PABPC4: variants seen among roughly 807,000 people sequenced by gnomAD.
PABPC4 encodes poly(A) binding protein cytoplasmic 4, also known as polyadenylate-binding protein 4.
In PABPC4, 15 loss-of-function variants were observed where a neutral mutation model predicts 74.5. That is an observed-to-expected ratio of 0.20 (90% CI 0.13 to 0.31). The LOEUF is 0.31. Among genes scored for constraint, PABPC4 ranks in the 10% least tolerant of loss-of-function variants. The pLI is 1.00. For missense variants in PABPC4, 610 were observed against 853.5 expected (o/e 0.71, Z 3.55); for synonymous variants, 345 against 303.0 (o/e 1.14, Z -1.44).
At chr1:39,571,429 A>G in intron 2 of PABPC4, 80 bp from the exon 3 acceptor site, 2 of 1,561,438 alleles carry the variant, frequency 1.3e-6, no homozygotes, top group African/African-American at 1.3e-5. Flanking sequence ...CTTGTGCCTG[A>G]GGAGACTCTA....
intron 1 of PABPC4, among the ~76,000 whole-genome samples, chr1:39,573,972 C>G (rs1027737831): frequency 1.3e-5 from 2 of 152,212 alleles, no homozygotes; most frequent in African/African-American, 4.8e-5. Flanking sequence ...TGACATCACC[C>G]AGAACCTCCT....
At chr1:39,562,579 G>A (rs1316172626) in intron 12 of PABPC4, 163 bp from the exon 13 acceptor site, 1 of 588,702 alleles carries the variant, frequency 1.7e-6, no homozygotes, top group Non-Finnish European at 3.0e-6. Flanking sequence ...GGATTGAGGG[G>A]TGTGTTGAGG....
At position 39,572,564 on chromosome 1, in the gene PABPC4, C is replaced by T. The variant is rs1368225828; in HGVS notation, c.216G>A (p.Met72Ile). ...GCTTTCCCTTAATCACATCAAAGTTCATGGTGTCCAAAGCCCGCTCAGCTG... is the reference window on the plus strand; with the variant it reads ...GCTTTCCCTTAATCACATCAAAGTTTATGGTGTCCAAAGCCCGCTCAGCTG... ...PADAERALDT[M>I]NFDVIKGKPI... is the part of the protein sequence containing the mutation. The change falls in exon 2 of 16, where the codon ATG becomes ATA. Residue 72 changes from methionine (M) to isoleucine (I), a missense_variant. Met to Ile is a conservative substitution (Grantham distance 10). Transcript: ENST00000372858. The T allele has an allele frequency of 6.2e-7, 1 of 1,613,762 alleles. No homozygotes were observed. Among genetic ancestry groups the T allele is most frequent in the African/African-American group, 1.3e-5 (1 of 74,892 alleles).
In PABPC4 at chr1:39,576,485, A is replaced by G. The variant is rs1327920374; in HGVS notation, c.-534T>C. The G allele has an allele frequency of 6.7e-6, 1 of 149,682 alleles. No individual in the cohort carries two copies. Among genetic ancestry groups the G allele is most frequent in the African/African-American group, 2.5e-5 (1 of 40,746 alleles). 9.3% of individuals were successfully genotyped at this position (149,682 alleles called of 1,614,324 possible). On this transcript the variant is annotated 5_prime_UTR_variant, in exon 1 of 16. Transcript: ENST00000372858. ...GCACGGACACGTGGTGCGCCGGGGC[A>G]GGCGCGGGGCGCGGGGCTCGGGGCC...
At chr1:39,569,808 GA>G in intron 4 of PABPC4, 54 bp downstream of exon 4, 1 of 1,600,066 alleles carries the variant, frequency 6.2e-7, no homozygotes. Flanking sequence ...CATCTCTTAA[GA>G]AAAAACAGAT....
intron 12 of PABPC4, 174 bp downstream of exon 12, chr1:39,563,440 G>A (rs1645791769): frequency 1.2e-6 from 1 of 803,616 alleles, no homozygotes. Context: ...GCACTTTTAA[G>A]CCCCTTCTTT....
chr1:39,575,739 T>G lies in PABPC4; in HGVS notation c.193+20A>C, dbSNP rs777883674. 2 of 1,549,740 alleles carry G rather than the reference T, an allele frequency of 1.3e-6. No homozygotes were observed. Among genetic ancestry groups the G allele is most frequent in the South Asian group, 1.2e-5 (1 of 85,182 alleles). ...GGTCCTCCGGGCTCCCACGCACGTG[T>G]GGGCACAGCTTCTACTCACCGTCGG... On this transcript the variant is annotated intron_variant, in intron 1 of 15. Coordinates refer to ENST00000372858, the MANE Select transcript of PABPC4 (RefSeq NM_001135653.2).
At chr1:39,574,003 G>A (rs1645979284) in intron 1 of PABPC4, among the ~76,000 whole-genome samples, 2 of 152,162 alleles carry the variant, frequency 1.3e-5, no homozygotes, top group South Asian at 4.1e-4. Context: ...ATTTAGACAG[G>A]GTCAGAGCAG....
chr1:39,562,604 G>A (rs1269471297), intron 12 of PABPC4, 188 bp from the exon 13 acceptor site: 5 of 498,880 alleles, frequency 1.0e-5, no homozygotes, highest in Non-Finnish European at 1.8e-5. Flanking sequence ...GAGTGGTATG[G>A]ACATAAACAC....
chr1:39,567,827 T>G lies in PABPC4; in HGVS notation c.896A>C (p.Lys299Thr). 6.3e-7 allele frequency: 1 copy of G among 1,589,362 alleles called. No homozygotes were observed. The highest frequency in any genetic ancestry group is 8.6e-7 in the Non-Finnish European group (1 of 1,157,728). Reference sequence around the variant, plus strand: ...ATCATCAATAGTGTCATCCAAGTTCTTAATGTAGAGATTCACCCCCTGAAG... The same window carrying G: ...ATCATCAATAGTGTCATCCAAGTTCGTAATGTAGAGATTCACCCCCTGAAG... ...SRYQGVNLYI[K>T]NLDDTIDDEK... Residue 299 changes from lysine to threonine, a missense_variant, in exon 7 of 16, where the codon AAG (lysine) becomes ACG (threonine). Around this residue, in one of 4 missense-constraint regions of PABPC4, gnomAD observed 304 missense variants for 478.9 expected, o/e 0.63. Coordinates refer to ENST00000372858, the MANE Select transcript of PABPC4 (RefSeq NM_001135653.2).
intron 12 of PABPC4, chr1:39,563,376 G>T: frequency 4.0e-6 from 2 of 501,716 alleles, no homozygotes; most frequent in Non-Finnish European, 7.0e-6. Flanking sequence ...AACAGAAGAG[G>T]AAGCACTGGC....
At chr1:39,568,729 C>T (rs1255896391) in intron 6 of PABPC4, 73 bp downstream of exon 6, 7 of 1,426,972 alleles carry the variant, frequency 4.9e-6, no homozygotes, top group South Asian at 1.3e-5. Context: ...AAAGAAAGCC[C>T]GCTAAACATA....
In PABPC4 at chr1:39,575,982, C is replaced by T; in HGVS notation, c.-31G>A. 7.0e-7 allele frequency: 1 copy of T among 1,423,082 alleles called. No homozygotes were observed. Among genetic ancestry groups the T allele is most frequent in the African/African-American group, 1.5e-5 (1 of 68,846 alleles). The allele number at this position is 1,423,082 out of a possible 1,614,324, so 88.2% of individuals were successfully genotyped here. ...CGCCCCCCACCACCCCGAGCCCCGCCAGGAGGACTTCTTATCGGGCCCGCC... is the reference window on the plus strand; with the variant it reads ...CGCCCCCCACCACCCCGAGCCCCGCTAGGAGGACTTCTTATCGGGCCCGCC... On this transcript the variant is annotated 5_prime_UTR_variant, in exon 1 of 16. Coordinates refer to ENST00000372858, the MANE Select transcript of PABPC4 (RefSeq NM_001135653.2).
chr1:39,562,330 C>T lies in PABPC4; in HGVS notation c.1755G>A (p.Gln585=), dbSNP rs1271775255. The change falls in exon 13 of 16, where the codon CAG becomes CAA. Residue 585 remains glutamine (Q), a synonymous_variant. Transcript: ENST00000372858. The part of the protein sequence containing the change: ...LAAAPPQEQK[Q]MLGERLFPLI... Reference sequence around the variant, plus strand: ...AGCAAGTGGGTCACTCACCCAGCATCTGCTTCTGTTCCTGGGGGGGTGCTG... The same window carrying T: ...AGCAAGTGGGTCACTCACCCAGCATTTGCTTCTGTTCCTGGGGGGGTGCTG... 1 of 1,613,846 alleles carries T rather than the reference C, an allele frequency of 6.2e-7. No homozygotes were observed. The highest frequency in any genetic ancestry group is 8.5e-7 in the Non-Finnish European group (1 of 1,179,914).
intron 3 of PABPC4, among the ~76,000 whole-genome samples, 173 bp from the exon 4 acceptor site, chr1:39,570,175 A>T (rs1424230239): frequency 6.6e-6 from 1 of 152,262 alleles, no homozygotes; most frequent in African/African-American, 2.4e-5. Context: ...AGAAAAAGGC[A>T]GGACTATCCT....
At chr1:39,561,886 G>T in intron 14 of PABPC4, 99 bp from the exon 15 acceptor site, 7 of 1,217,682 alleles carry the variant, frequency 5.7e-6, no homozygotes, top group Non-Finnish European at 8.3e-6. Context: ...CTGTACAGAT[G>T]ATCCCTAGGC....
At chr1:39,574,395 T>TCTGGCTGCACTTATTTATAGCAGGGA (rs1553478486) in intron 1 of PABPC4, among the ~76,000 whole-genome samples, 1 of 152,350 alleles carries the variant, frequency 6.6e-6, no homozygotes. Flanking sequence ...GTCTGACAAA[T>TCTGGCTGCACTTATTTATAGCAGGGA]CTGGCTGCAC....
intron 7 of PABPC4, among the ~76,000 whole-genome samples, chr1:39,566,667 C>T (rs1458701891): frequency 1.3e-5 from 2 of 152,102 alleles, no homozygotes; most frequent in African/African-American, 2.4e-5. Context: ...ATGAGATGGG[C>T]CAGTAAGGTA....
At chr1:39,570,114 C>G in intron 3 of PABPC4, 112 bp from the exon 4 acceptor site, 1 of 1,039,964 alleles carries the variant, frequency 9.6e-7, no homozygotes, top group Non-Finnish European at 1.4e-6. Flanking sequence ...ACACGAGATC[C>G]CCATCCACCA....
Sources: gnomAD v4.1 joint callset for allele counts (sites outside exome capture counted in the v4.1 genomes callset) on GRCh38, gnomAD v4.1.1 for gene constraint, gnomAD v4.1.1 regional missense constraint, MANE v1.5 for transcripts, NCBI Gene and HGNC (gene_info 2026-07-23, HGNC 2026-07-21) for gene names.